PLCG2: variants seen among roughly 807,000 people sequenced by gnomAD.
PLCG2 encodes the protein 1-phosphatidylinositol 4,5-bisphosphate phosphodiesterase gamma-2.
A neutral mutation model predicts 175.6 loss-of-function variants in PLCG2; 69 were observed. The ratio of observed to expected loss-of-function variants is 0.39; its 90% CI spans 0.32 to 0.48. The LOEUF is 0.48. Ranked by LOEUF, PLCG2 falls within the 20% of genes least tolerant of loss-of-function variation. The probability of loss-of-function intolerance (pLI) is 0.91; values close to 1 mark genes in which losing one functional copy is unlikely to be tolerated. For synonymous variants in PLCG2, 827 were observed against 624.0 expected, an observed-to-expected ratio of 1.33 and a Z score of -4.85; for missense variants, 1,798 against 1,650.9, an observed-to-expected ratio of 1.09 and a Z score of -1.54.
chr16:81,846,876 T>C (rs1377985972), intron 2 of PLCG2, among the ~76,000 whole-genome samples: 1 of 152,200 alleles, frequency 6.6e-6, no homozygotes, highest in African/African-American at 2.4e-5. Context: ...CTCAACACTT[T>C]TGACACCAGA....
chr16:81,740,095 G>A (rs1003398127), intron 1 of PLCG2, among the ~76,000 whole-genome samples: 5 of 133,698 alleles, frequency 3.7e-5, no homozygotes, highest in Admixed American at 8.9e-5. Flanking sequence ...CTGAGACAGC[G>A]CCAGTGCATA....
Position 81,961,601 on chromosome 16 carries a change from G to C in PLCG2, c.*3603G>C. The C allele has an allele frequency of 4.6e-6, 1 of 215,844 alleles. No individual in the cohort carries two copies. Among genetic ancestry groups the C allele is most frequent in the East Asian group, 7.0e-5 (1 of 14,288 alleles). 13.4% of individuals were successfully genotyped at this position (215,844 alleles called of 1,614,324 possible). A position where few individuals can be genotyped will look rare whatever the true frequency, so the allele number is the denominator to read the frequency against. ...AAGTGGTATGAAAATACAAATTCAA[G>C]GAGTAAAAGGAAAAGTGGGGCATTC... On this transcript the variant is annotated 3_prime_UTR_variant, in exon 33 of 33. Coordinates refer to ENST00000564138, the MANE Select transcript of PLCG2 (RefSeq NM_002661.5).
chr16:81,867,006 G>C (rs1012848925), intron 5 of PLCG2, among the ~76,000 whole-genome samples: 3 of 152,244 alleles, frequency 2.0e-5, no homozygotes, highest in Non-Finnish European at 4.4e-5. Flanking sequence ...CTGCCCTCAA[G>C]GTCTGTCTGT....
chr16:81,808,365 C>G (rs1567474952), intron 2 of PLCG2, among the ~76,000 whole-genome samples: 1 of 152,120 alleles, frequency 6.6e-6, no homozygotes, highest in Non-Finnish European at 1.5e-5. Flanking sequence ...GTCCAGGGCA[C>G]CCTTTTAGAG....
intron 19 of PLCG2, among the ~76,000 whole-genome samples, chr16:81,913,019 AT>A (rs1451383485): frequency 2.0e-5 from 3 of 152,204 alleles, no homozygotes. Context: ...GCACAGCAAG[AT>A]TAAGTAACTT....
chr16:81,926,973 T>G (rs1368018675), intron 22 of PLCG2, 109 bp from the exon 23 acceptor site: 1 of 720,774 alleles, frequency 1.4e-6, no homozygotes, highest in Non-Finnish European at 2.5e-6. Flanking sequence ...CTTGGCCACT[T>G]GCTGTCTGTC....
intron 30 of PLCG2, among the ~76,000 whole-genome samples, chr16:81,940,861 G>C (rs1910912402): frequency 1.3e-5 from 2 of 152,238 alleles, no homozygotes; most frequent in South Asian, 2.1e-4. Context: ...CTGGATTTTA[G>C]GTATAATATT....
At chr16:81,878,145 G>C (rs1027440456) in intron 7 of PLCG2, among the ~76,000 whole-genome samples, 1 of 151,674 alleles carries the variant, frequency 6.6e-6, no homozygotes, top group Non-Finnish European at 1.5e-5. Context: ...ACCACGCCTG[G>C]CTAATTTTTT....
At chr16:81,811,217 A>G (rs182416809) in intron 2 of PLCG2, among the ~76,000 whole-genome samples, 2 of 152,262 alleles carry the variant, frequency 1.3e-5, no homozygotes, top group East Asian at 3.9e-4. Context: ...CTTGGGTCTC[A>G]GTGTCTGCAT....
intron 2 of PLCG2, among the ~76,000 whole-genome samples, chr16:81,794,065 C>T (rs542916986): frequency 1.7e-4 from 26 of 152,250 alleles, no homozygotes; most frequent in Middle Eastern, 3.4e-3. Context: ...GAATTCCTTA[C>T]GTGTGCAGAG....
chr16:81,777,584 T>C (rs1430659228), upstream of PLCG2, among the ~76,000 whole-genome samples: 1 of 152,130 alleles, frequency 6.6e-6, no homozygotes, highest in Non-Finnish European at 1.5e-5. Flanking sequence ...TGTTAAGTGA[T>C]CTGTGGTGAT....
intron 13 of PLCG2, among the ~76,000 whole-genome samples, chr16:81,897,691 A>G (rs1370298472): frequency 1.3e-5 from 2 of 151,668 alleles, no homozygotes. Flanking sequence ...GATTATAGGC[A>G]TCCACCATCA....
At chr16:81,788,179 C>A (rs181465880) in intron 2 of PLCG2, among the ~76,000 whole-genome samples, 1 of 152,088 alleles carries the variant, frequency 6.6e-6, no homozygotes, top group East Asian at 1.9e-4. Context: ...TATATTCCTT[C>A]CAGTGGTAGA....
chr16:81,848,573 C>T (rs1906241706), intron 2 of PLCG2, among the ~76,000 whole-genome samples: 1 of 152,202 alleles, frequency 6.6e-6, no homozygotes, highest in Non-Finnish European at 1.5e-5. Context: ...CCCTCTCTGT[C>T]TCCCTTGGTC....
chr16:81,771,782 G>A (rs1377481214), intron 2 of PLCG2, among the ~76,000 whole-genome samples: 1 of 145,052 alleles, frequency 6.9e-6, no homozygotes, highest in Admixed American at 7.3e-5. Context: ...GTTTTTGTTT[G>A]CTTGTTTGTT....
intron 21 of PLCG2, chr16:81,921,662 G>T: frequency 3.4e-6 from 1 of 295,126 alleles, no homozygotes; most frequent in South Asian, 3.1e-5. Flanking sequence ...ACTCTGTTGT[G>T]TAATTTCATG....
chr16:81,871,049 G>A, intron 7 of PLCG2, 114 bp downstream of exon 7: 1 of 570,154 alleles, frequency 1.8e-6, no homozygotes, highest in African/African-American at 1.9e-5. Flanking sequence ...TTTTAGTCAA[G>A]GAAACATAAA....
At chr16:81,874,948 G>GTT (rs770994063) in intron 7 of PLCG2, among the ~76,000 whole-genome samples, 517 of 40,740 alleles carry the variant, frequency 0.013, 69 homozygotes, top group African/African-American at 0.025. Flanking sequence ...TATCCTATGT[G>GTT]TTTTTTTTTT....
chr16:81,781,458 T>G (rs766991852), intron 1 of PLCG2, among the ~76,000 whole-genome samples: 1 of 152,050 alleles, frequency 6.6e-6, no homozygotes, highest in Non-Finnish European at 1.5e-5. Flanking sequence ...ATTGCTTCCG[T>G]GATTTTCTGT....
Sources: gnomAD v4.1 joint callset for allele counts (sites outside exome capture counted in the v4.1 genomes callset) on GRCh38, gnomAD v4.1.1 for gene constraint, MANE v1.5 for transcripts, NCBI Gene and HGNC (gene_info 2026-07-23, HGNC 2026-07-21) for gene names.